CRTC3: variants seen among roughly 807,000 people sequenced by gnomAD.
CRTC3 encodes the protein CREB regulated transcription coactivator 3.
A neutral mutation model predicts 74.5 loss-of-function variants in CRTC3; 26 were observed. The observed-to-expected ratio is 0.35, with a 90% CI of 0.26 to 0.48. The LOEUF (loss-of-function observed/expected upper bound fraction) is 0.48. CRTC3 is among the 20% of genes least tolerant of loss of function. The probability of loss-of-function intolerance (pLI) is 0.99; values close to 1 mark genes in which losing one functional copy is unlikely to be tolerated. For synonymous variants in CRTC3, 377 were observed against 325.8 expected (o/e 1.16, Z -1.69); for missense variants, 760 against 787.3 (o/e 0.97, Z 0.41).
At chr15:90,618,149 C>A in intron 8 of CRTC3, 181 bp downstream of exon 8, 35 of 333,564 alleles carry the variant, frequency 1.0e-4, no homozygotes, top group Non-Finnish European at 1.4e-4. Flanking sequence ...GCGCTTGTGT[C>A]AATGAATTAG....
At chr15:90,604,194 C>G (rs1011083673) in intron 4 of CRTC3, 191 bp from the exon 5 acceptor site, 6 of 567,498 alleles carry the variant, frequency 1.1e-5, no homozygotes, top group Non-Finnish European at 1.9e-5. Context: ...GATCACAGGA[C>G]TGGAAGGATC....
intron 3 of CRTC3, among the ~76,000 whole-genome samples, chr15:90,600,053 A>G (rs1241323231): frequency 6.6e-6 from 1 of 152,124 alleles, no homozygotes; most frequent in Non-Finnish European, 1.5e-5. Context: ...CCTACCTCCT[A>G]CTGTGGTCTT....
chr15:90,537,666 T>G (rs1966742248), intron 1 of CRTC3, among the ~76,000 whole-genome samples: 1 of 152,212 alleles, frequency 6.6e-6, no homozygotes, highest in Non-Finnish European at 1.5e-5. Context: ...TTTACAGGTA[T>G]GAGCCACTGC....
chr15:90,559,906 G>C (rs1454549656), intron 2 of CRTC3, among the ~76,000 whole-genome samples: 1 of 152,252 alleles, frequency 6.6e-6, no homozygotes, highest in African/African-American at 2.4e-5. Context: ...GCCTCCCAAA[G>C]TGTTGGGATT....
At chr15:90,533,938 G>A (rs1966675600) in intron 1 of CRTC3, among the ~76,000 whole-genome samples, 1 of 152,082 alleles carries the variant, frequency 6.6e-6, no homozygotes, top group Admixed American at 6.5e-5. Flanking sequence ...AAGAGGATGA[G>A]GAGGGGATGT....
intron 1 of CRTC3, among the ~76,000 whole-genome samples, chr15:90,533,407 C>G (rs1966664992): frequency 2.5e-5 from 3 of 118,688 alleles, no homozygotes; most frequent in East Asian, 2.3e-4. Context: ...GGCGACAGAG[C>G]GAGACTCCGC....
chr15:90,559,312 A>C (rs1251742531), intron 2 of CRTC3, among the ~76,000 whole-genome samples: 1 of 152,188 alleles, frequency 6.6e-6, no homozygotes, highest in East Asian at 1.9e-4. Flanking sequence ...CATTTTACAG[A>C]TGAGAAAACT....
chr15:90,569,754 A>G (rs1468086020), intron 2 of CRTC3, among the ~76,000 whole-genome samples: 1 of 151,520 alleles, frequency 6.6e-6, no homozygotes, highest in Non-Finnish European at 1.5e-5. Context: ...CTAATTTTTT[A>G]TTTTTTGTAG....
intron 13 of CRTC3, among the ~76,000 whole-genome samples, chr15:90,640,547 G>A (rs1969400637): frequency 1.3e-5 from 2 of 152,080 alleles, no homozygotes; most frequent in East Asian, 3.8e-4. Flanking sequence ...AATTAGCCAG[G>A]CATGGTGGCA....
intron 5 of CRTC3, chr15:90,606,636 T>C (rs1968228629): frequency 6.6e-6 from 1 of 152,142 alleles, no homozygotes; most frequent in African/African-American, 2.4e-5. Context: ...AGAATATCTA[T>C]TGATATTAGA....
intron 11 of CRTC3, 93 bp downstream of exon 11, chr15:90,629,625 CATT>C: frequency 7.8e-7 from 1 of 1,285,002 alleles, no homozygotes; most frequent in Non-Finnish European, 1.1e-6. Context: ...GGGTTACACT[CATT>C]ATTACACCAA....
chr15:90,580,426 CTTT>C (rs1045691133), intron 2 of CRTC3, among the ~76,000 whole-genome samples: 1 of 143,016 alleles, frequency 7.0e-6, no homozygotes. Context: ...TCTTCTTCTT[CTTT>C]TTTTTTTTTT....
chr15:90,530,218 C>T lies in CRTC3; in HGVS notation c.132+15C>T. 4 of 1,135,146 alleles carry T rather than the reference C, an allele frequency of 3.5e-6. No homozygotes were observed. The highest frequency in any genetic ancestry group is 1.7e-5 in the African/African-American group (1 of 58,382). 70.3% of individuals were successfully genotyped at this position (1,135,146 alleles called of 1,614,324 possible). A position where few individuals can be genotyped will look rare whatever the true frequency, so the allele number is the denominator to read the frequency against. On this transcript the variant is annotated intron_variant, in intron 1 of 14. Transcript: ENST00000268184. The surrounding 1 kb of genome is among the most constrained non-coding windows in gnomAD (Gnocchi z 6.2). ...CCCTGTCGCGGGTGAGGGCCCGGGC[C>T]GGCGCGGGCGGGGGCGGCCACGGCC...
intron 2 of CRTC3, among the ~76,000 whole-genome samples, chr15:90,582,909 A>G (rs1299405084): frequency 6.6e-6 from 1 of 152,172 alleles, no homozygotes; most frequent in Non-Finnish European, 1.5e-5. Context: ...TCCAGGTGAG[A>G]AGCTCTGCCT....
intron 2 of CRTC3, among the ~76,000 whole-genome samples, 181 bp from the exon 3 acceptor site, chr15:90,593,455 A>G (rs1027866433): frequency 6.6e-6 from 1 of 152,204 alleles, no homozygotes; most frequent in Admixed American, 6.5e-5. Flanking sequence ...TCATTATTTT[A>G]TGGTTATTAT....
At chr15:90,550,380 A>G (rs1410128389) in intron 2 of CRTC3, among the ~76,000 whole-genome samples, 1 of 151,238 alleles carries the variant, frequency 6.6e-6, no homozygotes, top group Non-Finnish European at 1.5e-5. Flanking sequence ...ATTGCACTCC[A>G]GCCTGGGCAA....
rs150240232 is a variant in CRTC3, at chr15:90,548,480, A to G, written c.231+8343A>G. On this transcript the variant is annotated intron_variant, in intron 2 of 14. Coordinates refer to ENST00000268184, the MANE Select transcript of CRTC3 (RefSeq NM_022769.5). ...CCCAGAGTTCGCATAGCAAGTAAGT[A>G]AGAGAACCAGGACTTAAAAATCATG... Among the ~76,000 whole-genome samples, 137 of 152,350 alleles carry G rather than the reference A, an allele frequency of 9.0e-4. 1 individual carries two copies. The highest frequency in any genetic ancestry group is 3.3e-3 in the African/African-American group (136 of 41,580).
chr15:90,608,387 C>T (rs975788173), intron 6 of CRTC3, among the ~76,000 whole-genome samples: 5 of 152,304 alleles, frequency 3.3e-5, no homozygotes, highest in African/African-American at 1.2e-4. Flanking sequence ...CCCCGCCTCA[C>T]ACCCAAGGTA....
intron 2 of CRTC3, among the ~76,000 whole-genome samples, chr15:90,569,367 C>T (rs892153792): frequency 4.6e-4 from 66 of 144,988 alleles, no homozygotes; most frequent in Non-Finnish European, 7.8e-4. Context: ...TTGCCCAGGC[C>T]GAAGTGCAGT....
Sources: gnomAD v4.1 joint callset for allele counts (sites outside exome capture counted in the v4.1 genomes callset) on GRCh38, gnomAD v4.1.1 for gene constraint, Gnocchi (gnomAD v3.1) non-coding constraint, MANE v1.5 for transcripts, NCBI Gene and HGNC (gene_info 2026-07-23, HGNC 2026-07-21) for gene names.